CDH13: variants seen among roughly 807,000 people sequenced by gnomAD.
CDH13 encodes cadherin 13, also known as cadherin-13.
A neutral mutation model predicts 63.8 loss-of-function variants in CDH13; 24 were observed. The observed-to-expected ratio is 0.38, with a 90% CI of 0.27 to 0.53. CDH13 has a LOEUF of 0.53. CDH13 is among the 20% of genes least tolerant of loss of function. The pLI is 0.85. For synonymous variants in CDH13, 503 were observed against 355.3 expected, an observed-to-expected ratio of 1.42 and a Z score of -4.67; for missense variants, 1,049 against 903.1, an observed-to-expected ratio of 1.16 and a Z score of -2.07.
chr16:83,301,316 C>A (rs754878999), intron 5 of CDH13, among the ~76,000 whole-genome samples: 1 of 152,130 alleles, frequency 6.6e-6, no homozygotes, highest in Non-Finnish European at 1.5e-5. Flanking sequence ...CAGGCGTGAG[C>A]CACCGCACCT....
intron 5 of CDH13, among the ~76,000 whole-genome samples, chr16:83,287,690 T>G (rs1366674275): frequency 1.3e-5 from 2 of 152,132 alleles, no homozygotes; most frequent in Non-Finnish European, 2.9e-5. Context: ...CATGATGTAT[T>G]ATAATGTAAT....
At chr16:82,920,172 C>A (rs897640135) in intron 2 of CDH13, among the ~76,000 whole-genome samples, 12 of 152,218 alleles carry the variant, frequency 7.9e-5, no homozygotes, top group African/African-American at 2.9e-4. Flanking sequence ...TCAGATGGCA[C>A]CCTCCACCAG....
intron 4 of CDH13, among the ~76,000 whole-genome samples, chr16:83,155,853 G>T (rs1388752593): frequency 6.6e-6 from 1 of 152,182 alleles, no homozygotes; most frequent in Admixed American, 6.5e-5. Context: ...TCAAACCTTG[G>T]CTGCATTTTA....
At chr16:82,679,650 A>G (rs1230647466) in intron 1 of CDH13, among the ~76,000 whole-genome samples, 1 of 152,202 alleles carries the variant, frequency 6.6e-6, no homozygotes, top group Non-Finnish European at 1.5e-5. Context: ...GTGGAACCTG[A>G]GAACATTGTT....
chr16:83,121,618 C>CA (rs2035580151), intron 3 of CDH13, among the ~76,000 whole-genome samples: 1 of 152,212 alleles, frequency 6.6e-6, no homozygotes, highest in African/African-American at 2.4e-5. Flanking sequence ...TGCCTACTAA[C>CA]AAACCCAAAT....
chr16:82,782,385 C>T (rs769690211), intron 1 of CDH13, among the ~76,000 whole-genome samples: 1 of 152,108 alleles, frequency 6.6e-6, no homozygotes, highest in Non-Finnish European at 1.5e-5. Context: ...CATGGTGAAA[C>T]TCTGTCTTTA....
intron 4 of CDH13, among the ~76,000 whole-genome samples, chr16:83,138,528 G>A (rs1026580924): frequency 6.6e-6 from 1 of 152,204 alleles, no homozygotes; most frequent in Admixed American, 6.5e-5. Context: ...AGGGACGGTG[G>A]TCTGTCCAGA....
intron 2 of CDH13, among the ~76,000 whole-genome samples, chr16:82,978,067 C>G (rs1247024551): frequency 6.6e-6 from 1 of 152,092 alleles, no homozygotes; most frequent in Non-Finnish European, 1.5e-5. Flanking sequence ...TTTCCCCTGC[C>G]CTAGAGATCT....
chr16:83,335,485 G>A (rs374219075), intron 5 of CDH13, among the ~76,000 whole-genome samples: 3 of 152,140 alleles, frequency 2.0e-5, no homozygotes. Flanking sequence ...CTGCTTACAT[G>A]TAGTGAGCTT....
intron 5 of CDH13, among the ~76,000 whole-genome samples, chr16:83,311,719 C>G (rs896892414): frequency 1.3e-5 from 2 of 152,156 alleles, no homozygotes; most frequent in African/African-American, 4.8e-5. Context: ...ATATCCAGAA[C>G]GCTCTTTTCT....
chr16:83,675,658 A>G (rs982800248), intron 9 of CDH13, among the ~76,000 whole-genome samples: 1 of 152,226 alleles, frequency 6.6e-6, no homozygotes, highest in African/African-American at 2.4e-5. Context: ...CCTCTGTACT[A>G]GGATTTTATT....
chr16:82,994,099 C>G (rs942026161), intron 2 of CDH13, among the ~76,000 whole-genome samples: 4 of 152,170 alleles, frequency 2.6e-5, no homozygotes, highest in African/African-American at 9.7e-5. Flanking sequence ...ATCTAATTAC[C>G]CATCTGTTTG....
chr16:83,375,046 A>T (rs2091436234), intron 6 of CDH13, among the ~76,000 whole-genome samples: 1 of 152,192 alleles, frequency 6.6e-6, no homozygotes, highest in South Asian at 2.1e-4. Flanking sequence ...AGGTAGGATT[A>T]AGAGCTGACA....
At chr16:82,792,719 G>A (rs192024375) in intron 1 of CDH13, among the ~76,000 whole-genome samples, 1 of 152,290 alleles carries the variant, frequency 6.6e-6, no homozygotes, top group Admixed American at 6.5e-5. Flanking sequence ...TTTATTTCTT[G>A]TGTTCCTCTT....
intron 2 of CDH13, among the ~76,000 whole-genome samples, chr16:82,865,956 C>T (rs61309698): frequency 0.59 from 90,019 of 152,036 alleles, 26,793 homozygotes; most frequent in East Asian, 0.84. Context: ...CATGCTTGAA[C>T]ACTTTGCTGC....
chr16:83,540,256 T>C (rs1376715662), intron 7 of CDH13, among the ~76,000 whole-genome samples: 2 of 151,992 alleles, frequency 1.3e-5, no homozygotes, highest in African/African-American at 4.8e-5. Context: ...CTGGAGGCTA[T>C]ATGAGTAAGC....
At chr16:83,327,359 C>G (rs1356882943) in intron 5 of CDH13, among the ~76,000 whole-genome samples, 1 of 152,176 alleles carries the variant, frequency 6.6e-6, no homozygotes, top group South Asian at 2.1e-4. Flanking sequence ...AATGCATTGT[C>G]TTTTGGCTGG....
Position 82,798,353 on chromosome 16 carries a change from C to T in CDH13, c.46-60009C>T, listed in dbSNP as rs181926867. On this transcript the variant is annotated intron_variant, in intron 1 of 13. Coordinates refer to ENST00000567109, the MANE Select transcript of CDH13 (RefSeq NM_001257.5). ...GATTTCAGAGCTCTTTCCACACTAC[C>T]TAAAATATTCATGCACCAGATGAAA... 7.9e-5 allele frequency among the ~76,000 whole-genome samples: 12 copies of T among 152,254 alleles called. No individual in the cohort carries two copies. In the East Asian group the frequency reaches 1.5e-3, roughly 20 times the overall value.
intron 8 of CDH13, among the ~76,000 whole-genome samples, chr16:83,669,736 A>C (rs1914335386): frequency 6.6e-6 from 1 of 152,196 alleles, no homozygotes; most frequent in Non-Finnish European, 1.5e-5. Flanking sequence ...CTCATTTCTC[A>C]AATTACTTTT....
Sources: allele counts gnomAD v4.1 joint callset (sites outside exome capture counted in the v4.1 genomes callset), GRCh38; gene constraint gnomAD v4.1.1; transcripts MANE v1.5; gene names NCBI Gene and HGNC (gene_info 2026-07-23, HGNC 2026-07-21).